Variants in CTNND1 observed in about 807,000 individuals in gnomAD.
CTNND1 encodes the protein catenin delta-1.
CTNND1 carries 16 observed loss-of-function variants against 112.1 expected under a neutral mutation model. The ratio of observed to expected loss-of-function variants is 0.14; its 90% CI spans 0.10 to 0.22. CTNND1 has a LOEUF of 0.22. Among genes scored for constraint, CTNND1 ranks in the 10% least tolerant of loss-of-function variants. The probability of loss-of-function intolerance (pLI) is 1.00; values close to 1 mark genes in which losing one functional copy is unlikely to be tolerated. For missense variants in CTNND1, 1,008 were observed against 1,257.0 expected, an observed-to-expected ratio of 0.80 and a Z score of 3.00; for synonymous variants, 420 against 446.5, an observed-to-expected ratio of 0.94 and a Z score of 0.75.
intron 6 of CTNND1, among the ~76,000 whole-genome samples, chr11:57,801,459 C>A (rs550484881): frequency 1.2e-4 from 18 of 152,248 alleles, no homozygotes; most frequent in Middle Eastern, 3.4e-3. Flanking sequence ...TTTTGATTAG[C>A]CTTTCCTGAA....
intron 9 of CTNND1, among the ~76,000 whole-genome samples, chr11:57,805,088 G>A (rs546143465): frequency 2.0e-5 from 3 of 151,804 alleles, no homozygotes; most frequent in East Asian, 1.9e-4. Flanking sequence ...TAGTAGAGAC[G>A]GGGTTTCACC....
At chr11:57,792,069 C>T (rs544550701) in intron 3 of CTNND1, among the ~76,000 whole-genome samples, 66 of 152,266 alleles carry the variant, frequency 4.3e-4, no homozygotes, top group African/African-American at 1.4e-3. Context: ...GCTCTCAGCC[C>T]TAGTTCAGTC....
At chr11:57,805,237 A>G (rs2062512366) in intron 9 of CTNND1, among the ~76,000 whole-genome samples, 1 of 149,976 alleles carries the variant, frequency 6.7e-6, no homozygotes, top group Non-Finnish European at 1.5e-5. Flanking sequence ...AACTTAAAAC[A>G]TGTTTTTTGT....
intron 1 of CTNND1, among the ~76,000 whole-genome samples, chr11:57,777,786 G>A (rs1049976881): frequency 1.3e-5 from 2 of 152,256 alleles, no homozygotes; most frequent in Middle Eastern, 3.4e-3. Context: ...TGAGCATCTT[G>A]CTCATTTTAT....
chr11:57,772,666 G>A (rs1952984265), intron 1 of CTNND1, among the ~76,000 whole-genome samples: 2 of 152,196 alleles, frequency 1.3e-5, no homozygotes, highest in Admixed American at 6.5e-5. Flanking sequence ...GTGATTTGAT[G>A]TTCCATGCAT....
intron 6 of CTNND1, among the ~76,000 whole-genome samples, chr11:57,800,392 C>G (rs909392813): frequency 1.4e-4 from 22 of 152,220 alleles, no homozygotes; most frequent in African/African-American, 5.3e-4. Flanking sequence ...CTCCGCCTCC[C>G]AAGTAGCTGG....
At chr11:57,777,682 G>A (rs932646228) in intron 1 of CTNND1, among the ~76,000 whole-genome samples, 12 of 152,146 alleles carry the variant, frequency 7.9e-5, no homozygotes, top group Non-Finnish European at 1.6e-4. Context: ...AAGATGAAAG[G>A]AATCTAGGAA....
chr11:57,793,277 A>G (rs1448665458), intron 3 of CTNND1: 2 of 149,382 alleles, frequency 1.3e-5, no homozygotes, highest in Non-Finnish European at 3.0e-5. Context: ...TAATGTCATT[A>G]GATTATTTCC....
chr11:57,786,794 A>G (rs1196481723), intron 1 of CTNND1, among the ~76,000 whole-genome samples: 3 of 151,670 alleles, frequency 2.0e-5, no homozygotes, highest in African/African-American at 4.8e-5. Context: ...TCTCACTTCT[A>G]TGTAGATATT....
At chr11:57,791,905 G>T (rs970253534) in intron 3 of CTNND1, among the ~76,000 whole-genome samples, 2 of 152,154 alleles carry the variant, frequency 1.3e-5, no homozygotes, top group African/African-American at 4.8e-5. Context: ...TTCCTGTTTT[G>T]CTGGAGTAGG....
chr11:57,789,010 C>G, intron 1 of CTNND1, 27 bp from the exon 2 acceptor site: 1 of 1,471,918 alleles, frequency 6.8e-7, no homozygotes, highest in African/African-American at 1.4e-5. Flanking sequence ...CCTCTCATTC[C>G]CATTTTTCCT....
intron 1 of CTNND1, among the ~76,000 whole-genome samples, chr11:57,783,562 G>A (rs2059817578): frequency 6.6e-6 from 1 of 151,766 alleles, no homozygotes; most frequent in Non-Finnish European, 1.5e-5. Context: ...GGGAGGCTGA[G>A]GCAGGAGAAT....
rs750672401 is a variant in CTNND1, at chr11:57,796,671, G to T, written c.635G>T (p.Gly212Val). 3 of 1,613,892 alleles carry T rather than the reference G, an allele frequency of 1.9e-6. No individual in the cohort carries two copies. The African/African-American group carries it at 4.0e-5, about 22-fold the overall frequency. The change falls in exon 6 of 21, where the codon GGT becomes GTT. Residue 212 changes from glycine (G) to valine (V), a missense_variant. Physicochemically the swap from Gly to Val is moderately radical, Grantham distance 109 (BLOSUM62 -3). This residue lies in a region of CTNND1 where 404 missense variants were observed against 457.9 expected (regional missense o/e 0.88). Coordinates refer to ENST00000399050, the MANE Select transcript of CTNND1 (RefSeq NM_001085458.2). ...LPRNFHYPPD[G>V]YSRHYEDGYP... Reference sequence around the variant, plus strand: ...AGGAACTTCCACTACCCTCCTGATGGTTATAGTCGCCACTATGAAGATGGT... The same window carrying T: ...AGGAACTTCCACTACCCTCCTGATGTTTATAGTCGCCACTATGAAGATGGT...
At chr11:57,799,525 T>G (rs1359424352) in intron 6 of CTNND1, among the ~76,000 whole-genome samples, 1 of 152,190 alleles carries the variant, frequency 6.6e-6, no homozygotes, top group Non-Finnish European at 1.5e-5. Flanking sequence ...ACTTAAACAG[T>G]GAGGCAGTGA....
rs549728970 is a variant in CTNND1 at position 57,813,162 on chromosome 11, C to A, written c.2639-1149C>A. Among the ~76,000 whole-genome samples the A allele has an allele frequency of 5.7e-4, 86 of 151,912 alleles. 2 individuals carry two copies. In the Middle Eastern group the frequency reaches 0.01, roughly 18 times the overall value. ...CCTGAGCAACATAATGAGACCATGTCTGTACAAAAAAATTAGCCAGGCATG... is the reference window on the plus strand; with the variant it reads ...CCTGAGCAACATAATGAGACCATGTATGTACAAAAAAATTAGCCAGGCATG... On this transcript the variant is annotated intron_variant, in intron 17 of 20. Transcript: ENST00000399050.
chr11:57,808,385 T>G lies in CTNND1; in HGVS notation c.2092-5T>G. Reference sequence around the variant, plus strand: ...TGTTCCACCCCTTTCTATTTGCTATTCTAGTATGGTCGATACATCCGCTCT... The same window carrying G: ...TGTTCCACCCCTTTCTATTTGCTATGCTAGTATGGTCGATACATCCGCTCT... On this transcript the variant is annotated splice_region_variant and splice_polypyrimidine_tract_variant and intron_variant, in intron 13 of 20. Transcript: ENST00000399050. 8 of 1,603,018 alleles carry G rather than the reference T, an allele frequency of 5.0e-6. No homozygotes were observed. The highest frequency in any genetic ancestry group is 6.8e-6 in the Non-Finnish European group (8 of 1,171,450).
At chr11:57,786,985 G>A (rs753432740) in intron 1 of CTNND1, among the ~76,000 whole-genome samples, 2 of 152,186 alleles carry the variant, frequency 1.3e-5, no homozygotes, top group Non-Finnish European at 2.9e-5. Context: ...CACAGGCTTT[G>A]GAATGGCATA....
rs773690873 is a variant in CTNND1, at chr11:57,808,370, C to T, written c.2092-20C>T. 8 of 1,598,284 alleles carry T rather than the reference C, an allele frequency of 5.0e-6. No homozygotes were observed. The South Asian group carries it at 8.8e-5, about 18-fold the overall frequency. On this transcript the variant is annotated intron_variant, in intron 13 of 20. Coordinates refer to ENST00000399050, the MANE Select transcript of CTNND1 (RefSeq NM_001085458.2). ...CTGCCATTTGTAATTTGTTCCACCC[C>T]TTTCTATTTGCTATTCTAGTATGGT... is the stretch of plus-strand genomic sequence containing the variant.
intron 1 of CTNND1, among the ~76,000 whole-genome samples, chr11:57,781,335 C>T (rs1390240262): frequency 6.6e-6 from 1 of 151,566 alleles, no homozygotes; most frequent in Admixed American, 6.6e-5. Flanking sequence ...TTTTTTTTTC[C>T]GAGTCTAGGG....
Sources: allele counts gnomAD v4.1 joint callset (sites outside exome capture counted in the v4.1 genomes callset), GRCh38; gene constraint gnomAD v4.1.1; regional missense constraint gnomAD v4.1.1; transcripts MANE v1.5; gene names NCBI Gene and HGNC (gene_info 2026-07-23, HGNC 2026-07-21).